The following EXPH5 variants were observed in gnomAD, a reference collection of about 807,000 sequenced individuals.
EXPH5 encodes exophilin-5.
A neutral mutation model predicts 41.1 loss-of-function variants in EXPH5; 42 were observed. The observed-to-expected ratio is 1.02, with a 90% CI of 0.80 to 1.32. EXPH5 has a LOEUF of 1.32. Ranked by LOEUF, EXPH5 falls within the 40% of genes most tolerant of loss-of-function variation. The probability of loss-of-function intolerance (pLI) is 0.00; values close to 1 mark genes in which losing one functional copy is unlikely to be tolerated. For missense variants in EXPH5, 2,298 were observed against 2,314.5 expected, an observed-to-expected ratio of 0.99 and a Z score of 0.15; for synonymous variants, 798 against 833.5, an observed-to-expected ratio of 0.96 and a Z score of 0.73.
At chr11:108,598,943 C>G in the EXPH5 span, among the ~76,000 whole-genome samples, 3 of 152,150 alleles carry the variant, frequency 2.0e-5, no homozygotes, top group Non-Finnish European at 4.4e-5. Flanking sequence ...GGGTAGCCAT[C>G]TCACCTCCTT....
intron 1 of EXPH5, among the ~76,000 whole-genome samples, chr11:108,547,236 C>T (rs1358128323): frequency 6.6e-6 from 1 of 151,976 alleles, no homozygotes; most frequent in Non-Finnish European, 1.5e-5. Context: ...CTCTGTTTTC[C>T]AGGCTGGAGT....
intron 1 of EXPH5, among the ~76,000 whole-genome samples, chr11:108,577,350 A>G (rs2094083176): frequency 6.6e-6 from 1 of 152,140 alleles, no homozygotes; most frequent in East Asian, 1.9e-4. Context: ...ACTAATTTAC[A>G]TTCTCATCAC....
the EXPH5 span, among the ~76,000 whole-genome samples, chr11:108,599,289 G>T: frequency 6.6e-6 from 1 of 151,808 alleles, no homozygotes; most frequent in Non-Finnish European, 1.5e-5. Flanking sequence ...AAAAAAAAAA[G>T]ATATTTGTAA....
chr11:108,580,036 T>A (rs2094093196), intron 1 of EXPH5, among the ~76,000 whole-genome samples: 1 of 151,856 alleles, frequency 6.6e-6, no homozygotes, highest in Non-Finnish European at 1.5e-5. Context: ...GCAACAAAAG[T>A]AAAAATAAAC....
At chr11:108,525,718 T>G (rs1010007903) in intron 4 of EXPH5, among the ~76,000 whole-genome samples, 1 of 151,962 alleles carries the variant, frequency 6.6e-6, no homozygotes, top group Non-Finnish European at 1.5e-5. Flanking sequence ...CCTCAAATCT[T>G]GGGGAGAATC....
In EXPH5 at chr11:108,526,191, G is replaced by C. The variant is rs61002469; in HGVS notation, c.492+1945C>G. On this transcript the variant is annotated intron_variant, in intron 4 of 5. Coordinates refer to ENST00000265843, the MANE Select transcript of EXPH5 (RefSeq NM_015065.3). ...TCCCACCTTGGCCTCCCAAAGTGTT[G>C]AGATTATAGGCATGAACCACTCTTC... Among the ~76,000 whole-genome samples, 5 of 151,802 alleles carry C rather than the reference G, an allele frequency of 3.3e-5. No individual in the cohort carries two copies. The East Asian group carries it at 9.7e-4, about 29-fold the overall frequency.
chr11:108,525,918 C>CTTTT, intron 4 of EXPH5, among the ~76,000 whole-genome samples: 1 of 132,642 alleles, frequency 7.5e-6, no homozygotes, highest in Non-Finnish European at 1.6e-5. Context: ...TTTTTCTTTT[C>CTTTT]TTTTTTTTTT....
At chr11:108,538,334 T>C (rs2136022089) in intron 3 of EXPH5, 5 of 747,776 alleles carry the variant, frequency 6.7e-6, no homozygotes, top group Non-Finnish European at 8.2e-6. Flanking sequence ...GTCAGCTCAA[T>C]TGCACTTAAG....
In EXPH5 at chr11:108,511,203, A is replaced by G; in HGVS notation, c.4304T>C (p.Ile1435Thr). Reference protein sequence around the residue: ...SSLPALSEVNIGNSQTRRSSW... With the variant: ...SSLPALSEVNTGNSQTRRSSW... The stretch of plus-strand genomic sequence containing the variant: ...ACTTCTTCTAGTTTGGGAATTTCCA[A>G]TATTAACTTCTGAAAGAGCTGGAAG... The change falls in exon 6 of 6, where the codon ATT becomes ACT. Residue 1435 changes from isoleucine (I) to threonine (T), a missense_variant. By Grantham distance (89) the Ile-to-Thr change is moderately conservative. Transcript: ENST00000265843. 2.5e-6 allele frequency: 4 copies of G among 1,613,324 alleles called. No homozygotes were observed. Among genetic ancestry groups the G allele is most frequent in the Non-Finnish European group, 3.4e-6 (4 of 1,179,838 alleles).
chr11:108,534,176 C>T (rs1275958737), intron 3 of EXPH5, among the ~76,000 whole-genome samples: 4 of 152,190 alleles, frequency 2.6e-5, no homozygotes, highest in African/African-American at 7.2e-5. Flanking sequence ...AGTAATCTCT[C>T]TAAAATGAAG....
intron 1 of EXPH5, among the ~76,000 whole-genome samples, chr11:108,586,232 G>A (rs1402952183): frequency 2.0e-5 from 3 of 152,104 alleles, no homozygotes; most frequent in Non-Finnish European, 4.4e-5. Context: ...TTACAGGTGT[G>A]AGCCACCTTG....
intron 4 of EXPH5, among the ~76,000 whole-genome samples, chr11:108,526,609 C>T (rs2846411): frequency 0.22 from 33,737 of 152,116 alleles, 5,169 homozygotes; most frequent in East Asian, 0.67. Context: ...GGTCATGCCA[C>T]TTCAGTCCAC....
At chr11:108,544,282 T>C (rs1254630820) in intron 1 of EXPH5, among the ~76,000 whole-genome samples, 1 of 152,180 alleles carries the variant, frequency 6.6e-6, no homozygotes, top group East Asian at 1.9e-4. Context: ...CTTGACCTCC[T>C]AGGCTCAAGT....
At position 108,510,183 on chromosome 11, in the gene EXPH5, T is replaced by C; in HGVS notation, c.5324A>G (p.Gln1775Arg). Residue 1775 changes from glutamine to arginine, a missense_variant, in exon 6 of 6, where the codon CAG (glutamine) becomes CGG (arginine). By Grantham distance (43) the Gln-to-Arg change is conservative. Coordinates refer to ENST00000265843, the MANE Select transcript of EXPH5 (RefSeq NM_015065.3). ...RVSSPLASFL[Q>R]QQRSASSLEW... ...CAGAGATGAAGCACTCCTTTGTTGC[T>C]GCAGAAAACTGGCCAGTGGACTGCT... 3 of 1,614,120 alleles carry C rather than the reference T, an allele frequency of 1.9e-6. No individual in the cohort carries two copies. Among genetic ancestry groups the C allele is most frequent in the Non-Finnish European group, 2.5e-6 (3 of 1,180,016 alleles).
chr11:108,541,900 TG>T, intron 1 of EXPH5, 88 bp from the exon 2 acceptor site: 1 of 1,081,778 alleles, frequency 9.2e-7, no homozygotes, highest in East Asian at 2.5e-5. Context: ...TTTTTTGATA[TG>T]GGGGTCTCAT....
chr11:108,527,735 T>G (rs1591692831), intron 4 of EXPH5, among the ~76,000 whole-genome samples: 1 of 152,326 alleles, frequency 6.6e-6, no homozygotes. Flanking sequence ...ATCTCACCTA[T>G]GAGAGGCTTC....
chr11:108,585,861 T>A (rs1015796378), intron 1 of EXPH5, among the ~76,000 whole-genome samples: 1 of 152,228 alleles, frequency 6.6e-6, no homozygotes, highest in African/African-American at 2.4e-5. Context: ...GGTGAAAGGA[T>A]AAACGAACTG....
intron 3 of EXPH5, among the ~76,000 whole-genome samples, 173 bp downstream of exon 3, chr11:108,538,851 T>C (rs2093895710): frequency 1.3e-5 from 2 of 152,240 alleles, no homozygotes; most frequent in South Asian, 4.1e-4. Flanking sequence ...CCACATTTCA[T>C]GGTTTCCTAA....
chr11:108,592,791 CG>C (rs1296734873), intron 1 of EXPH5, among the ~76,000 whole-genome samples: 1 of 152,242 alleles, frequency 6.6e-6, no homozygotes, highest in Non-Finnish European at 1.5e-5. Flanking sequence ...CAGCCAACCC[CG>C]TGTGTCCAAG....
Sources: gnomAD v4.1 joint callset for allele counts (sites outside exome capture counted in the v4.1 genomes callset) on GRCh38, gnomAD v4.1.1 for gene constraint, MANE v1.5 for transcripts, NCBI Gene and HGNC (gene_info 2026-07-23, HGNC 2026-07-21) for gene names.